ZDHHC21: variants seen among roughly 807,000 people sequenced by gnomAD.
ZDHHC21 encodes palmitoyltransferase ZDHHC21.
ZDHHC21 carries 15 observed loss-of-function variants against 34.6 expected under a neutral mutation model. The observed-to-expected ratio is 0.43, with a 90% CI of 0.29 to 0.67. The LOEUF (loss-of-function observed/expected upper bound fraction) is 0.67. Among genes scored for constraint, ZDHHC21 ranks in the 30% least tolerant of loss-of-function variants. The pLI, the probability that ZDHHC21 is intolerant of heterozygous loss-of-function variation, is 0.14. For synonymous variants in ZDHHC21, 142 were observed against 101.8 expected (o/e 1.40, Z -2.38); for missense variants, 344 against 327.7 (o/e 1.05, Z -0.38).
chr9:14,689,519 A>T (rs1227372939), intron 2 of ZDHHC21, among the ~76,000 whole-genome samples: 2 of 152,226 alleles, frequency 1.3e-5, no homozygotes, highest in East Asian at 3.8e-4. Context: ...ATTCTGGGCA[A>T]AATTGAGCAT....
In ZDHHC21 at chr9:14,672,833, C is replaced by T. The variant is rs1381034998; in HGVS notation, c.250G>A (p.Gly84Arg). The change falls in exon 5 of 10, where the codon GGA becomes AGA. Residue 84 changes from glycine to arginine, a missense_variant. By Grantham distance (125) the Gly-to-Arg change is moderately radical. Transcript: ENST00000380916. Reference sequence around the variant, plus strand: ...TGATAAATCCAGAGTACCATACCTCCATGTGGGATCTTGGGGTTCTCAGGG... The same window carrying T: ...TGATAAATCCAGAGTACCATACCTCTATGTGGGATCTTGGGGTTCTCAGGG... The part of the protein sequence containing the change: ...RLPENPKIPH[G>R]EREFWELCNK... 1 of 1,604,258 alleles carries T rather than the reference C, an allele frequency of 6.2e-7. No homozygotes were observed. The highest frequency in any genetic ancestry group is 1.1e-5 in the South Asian group (1 of 89,826).
the ZDHHC21 span, among the ~76,000 whole-genome samples, chr9:14,603,020 G>C: frequency 1.3e-5 from 2 of 151,394 alleles, no homozygotes; most frequent in Non-Finnish European, 2.9e-5. Flanking sequence ...CAGAAAACAG[G>C]TCCGCGTTTC....
chr9:14,648,681 C>T (rs1039601004), intron 7 of ZDHHC21, among the ~76,000 whole-genome samples: 4 of 152,048 alleles, frequency 2.6e-5, no homozygotes, highest in South Asian at 4.1e-4. Flanking sequence ...CTAATTGGAA[C>T]GTAAGCTCCT....
intron 5 of ZDHHC21, among the ~76,000 whole-genome samples, chr9:14,670,169 G>A (rs564359076): frequency 6.9e-4 from 105 of 152,006 alleles, no homozygotes; most frequent in Admixed American, 2.2e-3. Flanking sequence ...ACATAAACAC[G>A]GTGTATTCAT....
At position 14,612,968 on chromosome 9, in the gene ZDHHC21, T is replaced by TATA; in HGVS notation, c.*5995_*5997dup. 1 of 151,810 alleles carries TATA rather than the reference T, an allele frequency of 6.6e-6. No homozygotes were observed. The highest frequency in any genetic ancestry group is 1.5e-5 in the Non-Finnish European group (1 of 67,852). 9.4% of individuals were successfully genotyped at this position (151,810 alleles called of 1,614,324 possible). A position where few individuals can be genotyped will look rare whatever the true frequency, so the allele number is the denominator to read the frequency against. ...ATTCACTAAAGTGCCCAATAAGCTA[T>TATA]ATAGTTCATTTATATAAATTAGAGT... is the stretch of plus-strand genomic sequence containing the variant. On this transcript the variant is annotated 3_prime_UTR_variant, in exon 10 of 10. Coordinates refer to ENST00000380916, the MANE Select transcript of ZDHHC21 (RefSeq NM_178566.6).
At chr9:14,630,592 T>G (rs958578547) in intron 8 of ZDHHC21, among the ~76,000 whole-genome samples, 1 of 152,226 alleles carries the variant, frequency 6.6e-6, no homozygotes, top group Non-Finnish European at 1.5e-5. Context: ...AGGTTTTCAA[T>G]GTACTTTCTC....
At chr9:14,650,540 AT>A (rs1218643112) in intron 7 of ZDHHC21, among the ~76,000 whole-genome samples, 3 of 152,000 alleles carry the variant, frequency 2.0e-5, no homozygotes, top group Non-Finnish European at 4.4e-5. Context: ...AGGCTACAAT[AT>A]TTTTTTAAAT....
chr9:14,684,033 G>A (rs1175517796), intron 2 of ZDHHC21, among the ~76,000 whole-genome samples: 2 of 152,112 alleles, frequency 1.3e-5, no homozygotes, highest in African/African-American at 2.4e-5. Context: ...AATAAATTAG[G>A]TATTGAAGGG....
Position 14,623,510 on chromosome 9 carries a change from T to C in ZDHHC21, c.622-3828A>G, listed in dbSNP as rs150873136. Among the ~76,000 whole-genome samples, 1,300 of 151,372 alleles carry C rather than the reference T, an allele frequency of 8.6e-3. 19 individuals carry two copies. Among genetic ancestry groups the C allele is most frequent in the African/African-American group, 0.03 (1,223 of 41,276 alleles). Reference sequence around the variant, plus strand: ...TGCCACTGCACTCCAGCTTAGGTGATAGAATGAAATCCTGTCTCTTAAAAA... The same window carrying C: ...TGCCACTGCACTCCAGCTTAGGTGACAGAATGAAATCCTGTCTCTTAAAAA... On this transcript the variant is annotated intron_variant, in intron 8 of 9. Coordinates refer to ENST00000380916, the MANE Select transcript of ZDHHC21 (RefSeq NM_178566.6).
intron 8 of ZDHHC21, among the ~76,000 whole-genome samples, chr9:14,624,331 C>A (rs905189250): frequency 1.3e-5 from 2 of 151,966 alleles, no homozygotes; most frequent in African/African-American, 4.8e-5. Context: ...GAGTGAGGGA[C>A]AACTGTATAT....
At position 14,690,350 on chromosome 9, in the gene ZDHHC21, C is replaced by T. The variant is rs1231837651; in HGVS notation, c.-189G>A. ...ATCTCTCCTCACCTGCTTGCTGAAG[C>T]TGAAAATCCTGCAGTAAGTGAAAAA... On this transcript the variant is annotated 5_prime_UTR_variant, in exon 2 of 10. Transcript: ENST00000380916. 4.4e-6 allele frequency: 2 copies of T among 456,314 alleles called. No homozygotes were observed. The highest frequency in any genetic ancestry group is 7.0e-5 in the East Asian group (1 of 14,386). 28.3% of individuals were successfully genotyped at this position (456,314 alleles called of 1,614,324 possible). A position where few individuals can be genotyped will look rare whatever the true frequency, so the allele number is the denominator to read the frequency against.
At chr9:14,648,325 T>C (rs917861090) in intron 7 of ZDHHC21, among the ~76,000 whole-genome samples, 7 of 151,894 alleles carry the variant, frequency 4.6e-5, no homozygotes, top group Admixed American at 3.9e-4. Context: ...AGGTTTTTTT[T>C]ACTAAAATGT....
At chr9:14,622,540 C>A (rs536360272) in intron 8 of ZDHHC21, 2 of 985,180 alleles carry the variant, frequency 2.0e-6, no homozygotes, top group African/African-American at 3.5e-5. Context: ...GGTTAACAGA[C>A]CTGAGAACCC....
intron 8 of ZDHHC21, among the ~76,000 whole-genome samples, chr9:14,621,559 T>C (rs1452884342): frequency 6.6e-6 from 1 of 152,140 alleles, no homozygotes; most frequent in East Asian, 1.9e-4. Flanking sequence ...TACCATTACT[T>C]TATGAGTAGG....
At chr9:14,605,715 C>T in the ZDHHC21 span, among the ~76,000 whole-genome samples, 3 of 152,138 alleles carry the variant, frequency 2.0e-5, no homozygotes, top group Non-Finnish European at 4.4e-5. Context: ...TCTATATTTG[C>T]TTTTGTTGCT....
chr9:14,665,979 A>G (rs1026265446), intron 5 of ZDHHC21, among the ~76,000 whole-genome samples: 1 of 149,882 alleles, frequency 6.7e-6, no homozygotes, highest in African/African-American at 2.4e-5. Context: ...TAATGACAGG[A>G]TCAAATTCAC....
rs1255166868 is a variant in ZDHHC21, at chr9:14,615,278, T to G, written c.*3688A>C. 1 of 151,798 alleles carries G rather than the reference T, an allele frequency of 6.6e-6. No homozygotes were observed. The highest frequency in any genetic ancestry group is 3.4e-3 in the Middle Eastern group (1 of 294). 9.4% of individuals were successfully genotyped at this position (151,798 alleles called of 1,614,324 possible). A position where few individuals can be genotyped will look rare whatever the true frequency, so the allele number is the denominator to read the frequency against. ...CACTAGTTACTTGTATGGGAGTGACTTGAATGTGTAACAAAGAATAGTTAT... is the reference window on the plus strand; with the variant it reads ...CACTAGTTACTTGTATGGGAGTGACGTGAATGTGTAACAAAGAATAGTTAT... On this transcript the variant is annotated 3_prime_UTR_variant, in exon 10 of 10. Coordinates refer to ENST00000380916, the MANE Select transcript of ZDHHC21 (RefSeq NM_178566.6).
In ZDHHC21 at chr9:14,657,971, A is replaced by C. The variant is rs185627574; in HGVS notation, c.504+778T>G. Among the ~76,000 whole-genome samples, 434 of 152,322 alleles carry C rather than the reference A, an allele frequency of 2.8e-3. 3 individuals carry two copies. Among genetic ancestry groups the C allele is most frequent in the African/African-American group, 9.8e-3 (406 of 41,580 alleles). On this transcript the variant is annotated intron_variant, in intron 7 of 9. Coordinates refer to ENST00000380916, the MANE Select transcript of ZDHHC21 (RefSeq NM_178566.6). Reference sequence around the variant, plus strand: ...CTATAAATAAGATGAAACATTTCTAAAACTATAGTCCTAGCATGCATTATA... The same window carrying C: ...CTATAAATAAGATGAAACATTTCTACAACTATAGTCCTAGCATGCATTATA...
chr9:14,673,092 G>A (rs1321811733), intron 4 of ZDHHC21, among the ~76,000 whole-genome samples, 164 bp from the exon 5 acceptor site: 1 of 151,894 alleles, frequency 6.6e-6, no homozygotes, highest in Non-Finnish European at 1.5e-5. Context: ...AAATAACACT[G>A]TCAGGAGGAC....
Sources: gnomAD v4.1 joint callset for allele counts (sites outside exome capture counted in the v4.1 genomes callset) on GRCh38, gnomAD v4.1.1 for gene constraint, MANE v1.5 for transcripts, NCBI Gene and HGNC (gene_info 2026-07-23, HGNC 2026-07-21) for gene names.